Variants in SOX6 observed in about 807,000 individuals in gnomAD.
SOX6 encodes transcription factor SOX-6.
A neutral mutation model predicts 97.8 loss-of-function variants in SOX6; 11 were observed. The observed-to-expected ratio is 0.11, with a 90% CI of 0.07 to 0.19. The LOEUF is 0.19. SOX6 is among the 10% of genes least tolerant of loss of function. The probability of loss-of-function intolerance (pLI) is 1.00; values close to 1 mark genes in which losing one functional copy is unlikely to be tolerated. For synonymous variants in SOX6, 360 were observed against 371.4 expected (o/e 0.97, Z 0.35); for missense variants, 810 against 1,039.5 (o/e 0.78, Z 3.04).
intron 9 of SOX6, among the ~76,000 whole-genome samples, chr11:16,092,900 CA>C (rs140949342): frequency 0.03 from 4,532 of 151,324 alleles, 102 homozygotes; most frequent in Non-Finnish European, 0.049. Flanking sequence ...AATATTTCTT[CA>C]GAAACAATCT....
chr11:16,596,540 T>C (rs548427558), intron 4 of SOX6, among the ~76,000 whole-genome samples: 82 of 152,344 alleles, frequency 5.4e-4, no homozygotes, highest in Middle Eastern at 3.4e-3. Context: ...CAGTTCCTCA[T>C]CATCCTTTAA....
intron 6 of SOX6, among the ~76,000 whole-genome samples, chr11:16,144,884 G>A (rs564956174): frequency 6.6e-6 from 1 of 152,242 alleles, no homozygotes; most frequent in East Asian, 1.9e-4. Context: ...AAAAAGTCCA[G>A]GACCAGACGG....
At position 15,997,434 on chromosome 11, in the gene SOX6, G is replaced by A. The variant is rs907906020; in HGVS notation, c.1733-8204C>T. 7.9e-5 allele frequency among the ~76,000 whole-genome samples: 12 copies of A among 152,136 alleles called. 1 individual carries two copies. Among genetic ancestry groups the A allele is most frequent in the Admixed American group, 4.6e-4 (7 of 15,270 alleles). On this transcript the variant is annotated intron_variant, in intron 13 of 15. Coordinates refer to ENST00000683767, the MANE Select transcript of SOX6 (RefSeq NM_001367873.1). ...TAAGTGCAAAATTTTAAAATAAAAT[G>A]TTAACAAATTGAATCCAGCCAAATG...
intron 1 of SOX6, among the ~76,000 whole-genome samples, chr11:16,435,686 A>G (rs1047553808): frequency 1.2e-4 from 18 of 152,178 alleles, no homozygotes; most frequent in Admixed American, 1.0e-3. Context: ...TTGTTACAGC[A>G]GCAGCAGCAG....
intron 1 of SOX6, among the ~76,000 whole-genome samples, chr11:16,371,556 A>G (rs1324326511): frequency 6.6e-6 from 1 of 152,086 alleles, no homozygotes; most frequent in African/African-American, 2.4e-5. Flanking sequence ...TCATTGATGT[A>G]TCTCCAATCC....
intron 3 of SOX6, among the ~76,000 whole-genome samples, chr11:16,637,629 T>C (rs189354199): frequency 1.3e-5 from 2 of 152,306 alleles, no homozygotes; most frequent in African/African-American, 4.8e-5. Context: ...TGAACTACTA[T>C]AATAAACAGA....
intron 3 of SOX6, among the ~76,000 whole-genome samples, chr11:16,634,468 A>C (rs1322356029): frequency 6.6e-6 from 1 of 152,318 alleles, no homozygotes; most frequent in African/African-American, 2.4e-5. Context: ...TGGTCAAAAG[A>C]TTCTCAAATT....
intron 4 of SOX6, among the ~76,000 whole-genome samples, chr11:16,566,619 G>A (rs1279907214): frequency 6.6e-6 from 1 of 152,202 alleles, no homozygotes; most frequent in Non-Finnish European, 1.5e-5. Flanking sequence ...TCAAGAAATA[G>A]GCATCAAAAT....
At chr11:16,022,572 G>A (rs773921923) in intron 12 of SOX6, among the ~76,000 whole-genome samples, 17 of 151,604 alleles carry the variant, frequency 1.1e-4, no homozygotes, top group South Asian at 2.1e-4. Flanking sequence ...CACTACACCC[G>A]GCTAACTTTT....
At chr11:16,540,298 T>C (rs1452590580) in intron 4 of SOX6, among the ~76,000 whole-genome samples, 1 of 152,030 alleles carries the variant, frequency 6.6e-6, no homozygotes, top group African/African-American at 2.4e-5. Flanking sequence ...TCTCAATAAA[T>C]TAGGTATTGA....
At chr11:16,513,914 C>A (rs1253918614) in intron 4 of SOX6, among the ~76,000 whole-genome samples, 7 of 151,658 alleles carry the variant, frequency 4.6e-5, no homozygotes, top group Non-Finnish European at 1.0e-4. Flanking sequence ...AGCAAAAATC[C>A]ATCTAAATGT....
At chr11:16,483,003 C>A (rs1860369691) in intron 4 of SOX6, among the ~76,000 whole-genome samples, 1 of 152,156 alleles carries the variant, frequency 6.6e-6, no homozygotes, top group South Asian at 2.1e-4. Context: ...TGCTATGCAT[C>A]CTCAATGCAA....
At chr11:16,461,460 G>A (rs1173821010) in intron 1 of SOX6, among the ~76,000 whole-genome samples, 3 of 152,048 alleles carry the variant, frequency 2.0e-5, no homozygotes, top group Non-Finnish European at 4.4e-5. Context: ...TATGGATCAC[G>A]ATGATATGAT....
chr11:16,370,104 A>G (rs531351993), intron 1 of SOX6, among the ~76,000 whole-genome samples: 317 of 152,228 alleles, frequency 2.1e-3, no homozygotes, highest in South Asian at 4.0e-3. Context: ...AACAGAAGTC[A>G]TGGAGCACAT....
At chr11:16,504,977 A>C (rs1860763157) in intron 4 of SOX6, among the ~76,000 whole-genome samples, 1 of 152,200 alleles carries the variant, frequency 6.6e-6, no homozygotes, top group Non-Finnish European at 1.5e-5. Context: ...ACCCAGTTTC[A>C]GGTATTTCTT....
At chr11:16,098,520 C>T (rs1017828839) in intron 7 of SOX6, among the ~76,000 whole-genome samples, 3 of 151,814 alleles carry the variant, frequency 2.0e-5, no homozygotes, top group Admixed American at 1.3e-4. Context: ...CCTAAGAACA[C>T]AGGCTGTGTG....
intron 4 of SOX6, among the ~76,000 whole-genome samples, chr11:16,537,500 C>T (rs1053270524): frequency 6.6e-6 from 1 of 152,122 alleles, no homozygotes; most frequent in East Asian, 1.9e-4. Flanking sequence ...AAGTAGGCTT[C>T]AGAAGGTCGG....
intron 4 of SOX6, among the ~76,000 whole-genome samples, chr11:16,506,319 C>T (rs1351496047): frequency 6.6e-6 from 1 of 152,178 alleles, no homozygotes; most frequent in African/African-American, 2.4e-5. Context: ...TTAATGACTG[C>T]TCTGCTGGGT....
intron 4 of SOX6, among the ~76,000 whole-genome samples, chr11:16,483,565 C>T (rs1860381597): frequency 6.6e-6 from 1 of 152,164 alleles, no homozygotes; most frequent in Non-Finnish European, 1.5e-5. Flanking sequence ...CTCTATTCTA[C>T]TGACAGGGCT....
Sources: allele counts gnomAD v4.1 joint callset (sites outside exome capture counted in the v4.1 genomes callset), GRCh38; gene constraint gnomAD v4.1.1; transcripts MANE v1.5; gene names NCBI Gene and HGNC (gene_info 2026-07-23, HGNC 2026-07-21).